The following SEMA4G variants were observed in gnomAD, a reference collection of about 807,000 sequenced individuals.
SEMA4G encodes the protein semaphorin-4G.
SEMA4G carries 59 observed loss-of-function variants against 81.2 expected under a neutral mutation model. That is an observed-to-expected ratio of 0.73 (90% CI 0.59 to 0.90). SEMA4G has a LOEUF of 0.90. Ranked by LOEUF, SEMA4G falls within the 40% of genes least tolerant of loss-of-function variation. The pLI, the probability that SEMA4G is intolerant of heterozygous loss-of-function variation, is 0.00. For missense variants in SEMA4G, 952 were observed against 1,102.3 expected (o/e 0.86, Z 1.93); for synonymous variants, 404 against 433.9 (o/e 0.93, Z 0.86).
intron 4 of SEMA4G, 162 bp downstream of exon 5, chr10:100,977,892 A>G (rs962021753): frequency 9.6e-6 from 6 of 622,524 alleles, no homozygotes; most frequent in African/African-American, 1.8e-5. Flanking sequence ...GCACTGGAGA[A>G]CCATTCCCCT....
At chr10:100,985,000 G>C, downstream of SEMA4G, 1 of 1,267,054 alleles carries the variant, frequency 7.9e-7, no homozygotes, top group Non-Finnish European at 1.1e-6. Context: ...AGCCTCCCTT[G>C]CTGTCTTGGA....
At chr10:100,975,095 G>T in intron 3 of SEMA4G, 1 of 518,296 alleles carries the variant, frequency 1.9e-6, no homozygotes, top group Admixed American at 2.1e-5. Context: ...AAATGGGGCT[G>T]GGGAGGCAGA....
At chr10:100,975,503 G>GTT (rs971216292) in intron 3 of SEMA4G, among the ~76,000 whole-genome samples, 2 of 152,188 alleles carry the variant, frequency 1.3e-5, no homozygotes, top group Non-Finnish European at 2.9e-5. Context: ...GTAAAGATAG[G>GTT]TTTCACCTGT....
At chr10:100,979,348 T>TCC in intron 8 of SEMA4G, 77 bp downstream of exon 9, 1 of 1,612,510 alleles carries the variant, frequency 6.2e-7, no homozygotes, top group South Asian at 1.1e-5. Context: ...GAGGATGAGA[T>TCC]AGGATCCACT....
Position 100,973,058 on chromosome 10 carries a change from G to C in SEMA4G, c.124+22G>C. The C allele has an allele frequency of 6.2e-7, 1 of 1,614,152 alleles. No homozygotes were observed. The highest frequency in any genetic ancestry group is 8.5e-7 in the Non-Finnish European group (1 of 1,180,024). On this transcript the variant is annotated intron_variant, in intron 1 of 13. Transcript: ENST00000370250. This position sits in a 1 kb window ranked among gnomAD's most constrained non-coding sequence, Gnocchi z 5.5. ...GAAGGTTAGACCCTCAACCTCAAAA[G>C]GCAGCAGAAGCCAGGGCTGGGGGTG...
Position 100,977,919 on chromosome 10 carries a change from G to A in SEMA4G, c.435+189G>A, listed in dbSNP as rs111960093. 2.4e-3 allele frequency: 1,409 copies of A among 597,738 alleles called. 15 individuals carry two copies. The African/African-American group carries it at 0.024, about 10-fold the overall frequency. 37.0% of individuals were successfully genotyped at this position (597,738 alleles called of 1,614,324 possible). On this transcript the variant is annotated intron_variant, in intron 4 of 13. Transcript: ENST00000370250. The stretch of plus-strand genomic sequence containing the variant: ...CATTCCCCTTTGTAAAAACCATGCA[G>A]TTTTTATAGCATTTTCACTTAGCAT...
At chr10:100,984,654 C>T (rs774150942) in exon 14 of SEMA4G, 1 of 1,536,246 alleles carries the variant, frequency 6.5e-7, no homozygotes, top group South Asian at 1.2e-5. Flanking sequence ...GCAGTGCCCC[C>T]ACCCTCACCT....
Position 100,973,605 on chromosome 10 carries a change from A to C in SEMA4G, c.332A>C (p.Asn111Thr), listed in dbSNP as rs746403415. 1 of 1,614,076 alleles carries C rather than the reference A, an allele frequency of 6.2e-7. No homozygotes were observed. Among genetic ancestry groups the C allele is most frequent in the South Asian group, 1.1e-5 (1 of 91,074 alleles). The change falls in exon 3 of 14, where the codon AAC becomes ACC. Residue 111 changes from asparagine to threonine, a missense_variant. Coordinates refer to ENST00000370250, the Ensembl canonical transcript of SEMA4G. This position sits in a 1 kb window ranked among gnomAD's most constrained non-coding sequence, Gnocchi z 5.5. The stretch of plus-strand genomic sequence containing the variant: ...AAATGTCATCAAAAAGGGAAAAACA[A>C]CCAGGTATGTGGTCTGCCCTGTCCC...
At chr10:100,980,020 T>G (rs574876615) in intron 9 of SEMA4G, 28 bp downstream of exon 10, 1 of 1,613,886 alleles carries the variant, frequency 6.2e-7, no homozygotes, top group South Asian at 1.1e-5. Flanking sequence ...GGGCCAGTGC[T>G]GAGTAGACAG....
At position 100,973,130 on chromosome 10, in the gene SEMA4G, G is replaced by A; in HGVS notation, c.126G>A (p.Glu42=). 1 of 1,614,114 alleles carries A rather than the reference G, an allele frequency of 6.2e-7. No individual in the cohort carries two copies. Among genetic ancestry groups the A allele is most frequent in the Non-Finnish European group, 8.5e-7 (1 of 1,180,042 alleles). The change falls in exon 2 of 14, where the codon GAG becomes GAA. Residue 42 remains glutamate, a splice_region_variant and synonymous_variant. Transcript: ENST00000370250. The surrounding 1 kb of genome is among the most constrained non-coding windows in gnomAD (Gnocchi z 5.5). ...GCTCACTGTTCCTGCTCTCCCCAGA[G>A]CTCTCTGGGACCCGGCACTTCAAGG... is the stretch of plus-strand genomic sequence containing the variant.
chr10:100,971,008 C>A (rs1389133642), upstream of SEMA4G, among the ~76,000 whole-genome samples: 4 of 152,172 alleles, frequency 2.6e-5, no homozygotes, highest in African/African-American at 9.7e-5. Context: ...TGTATGATTA[C>A]CTGTGGCTGT....
At chr10:100,977,876 C>T (rs1388551233) in intron 4 of SEMA4G, 146 bp downstream of exon 5, 14 of 670,758 alleles carry the variant, frequency 2.1e-5, no homozygotes, top group East Asian at 8.2e-5. Context: ...CCAGTGGCGG[C>T]GGGCTGCACT....
intron 3 of SEMA4G, among the ~76,000 whole-genome samples, chr10:100,974,155 TC>T (rs1332805003): frequency 6.6e-5 from 10 of 151,922 alleles, no homozygotes; most frequent in Non-Finnish European, 8.8e-5. Flanking sequence ...TCCTCTGGGA[TC>T]CCAAATAATC....
In SEMA4G at chr10:100,973,743, G is replaced by A; in HGVS notation, c.336+134G>A. 3 of 798,676 alleles carry A rather than the reference G, an allele frequency of 3.8e-6. No homozygotes were observed. Among genetic ancestry groups the A allele is most frequent in the Non-Finnish European group, 6.0e-6 (3 of 502,776 alleles). 49.5% of individuals were successfully genotyped at this position (798,676 alleles called of 1,614,324 possible). A position where few individuals can be genotyped will look rare whatever the true frequency, so the allele number is the denominator to read the frequency against. ...TCAGCAACCACAGTAAACATTGTAA[G>A]TATTGCCAGAGTGGCAAGCCATGGG... On this transcript the variant is annotated intron_variant, in intron 3 of 13. Coordinates refer to ENST00000370250, the Ensembl canonical transcript of SEMA4G. This position sits in a 1 kb window ranked among gnomAD's most constrained non-coding sequence, Gnocchi z 5.5.
intron 4 of SEMA4G, chr10:100,977,976 T>C: frequency 1.7e-6 from 1 of 572,898 alleles, no homozygotes; most frequent in Admixed American, 3.1e-5. Flanking sequence ...CTGGCAAACT[T>C]CATTTAACCC....
chr10:100,980,931 G>A (rs1260199125), exon 12 of SEMA4G: 2 of 1,611,614 alleles, frequency 1.2e-6, no homozygotes, highest in Non-Finnish European at 1.7e-6. Context: ...CCCTACTGTG[G>A]CTGGGACCCT....
chr10:100,984,594 C>T (rs1434047317), exon 14 of SEMA4G: 5 of 1,536,090 alleles, frequency 3.3e-6, no homozygotes, highest in South Asian at 1.2e-5. Context: ...GCCACCTAAG[C>T]CCTGCGTACA....
At chr10:100,983,821 G>C in exon 14 of SEMA4G, 1 of 1,601,668 alleles carries the variant, frequency 6.2e-7, no homozygotes, top group South Asian at 1.1e-5. Context: ...CAGTGTCCTG[G>C]AGAGGAAGAT....
exon 14 of SEMA4G, chr10:100,983,689 C>T (rs939406010): frequency 1.9e-6 from 3 of 1,613,496 alleles, no homozygotes; most frequent in Non-Finnish European, 2.5e-6. Context: ...CTCATCCTGG[C>T]CTCCTCCCTC....
Sources: allele counts gnomAD v4.1 joint callset (sites outside exome capture counted in the v4.1 genomes callset), GRCh38; gene constraint gnomAD v4.1.1; non-coding constraint Gnocchi (gnomAD v3.1); transcripts MANE v1.5; gene names NCBI Gene and HGNC (gene_info 2026-07-23, HGNC 2026-07-21).